Variants in DPYD observed in about 807,000 individuals in gnomAD.
DPYD encodes the protein dihydropyrimidine dehydrogenase [NADP(+)].
A neutral mutation model predicts 116.2 loss-of-function variants in DPYD; 109 were observed. That is an observed-to-expected ratio of 0.94 (90% confidence interval 0.80 to 1.10). DPYD has a LOEUF of 1.10. Among genes scored for constraint, DPYD ranks in the 50% least tolerant of loss-of-function variants. The probability of loss-of-function intolerance (pLI) is 0.00; values close to 1 mark genes in which losing one functional copy is unlikely to be tolerated. For missense variants in DPYD, 1,302 were observed against 1,254.5 expected, an observed-to-expected ratio of 1.04 and a Z score of -0.57; for synonymous variants, 440 against 432.0, an observed-to-expected ratio of 1.02 and a Z score of -0.23.
At chr1:97,460,968 T>G (rs935814953) in intron 13 of DPYD, among the ~76,000 whole-genome samples, 1 of 146,602 alleles carries the variant, frequency 6.8e-6, no homozygotes, top group Non-Finnish European at 1.5e-5. Flanking sequence ...ACCCGGGGGG[T>G]GGAGGTTGCA....
intron 14 of DPYD, among the ~76,000 whole-genome samples, chr1:97,448,931 A>G (rs1422123113): frequency 6.6e-6 from 1 of 152,010 alleles, no homozygotes; most frequent in East Asian, 1.9e-4. Flanking sequence ...TTTCAAATGC[A>G]TGTATTTTAT....
chr1:97,851,303 C>A (rs1372714923), intron 2 of DPYD, among the ~76,000 whole-genome samples: 2 of 149,494 alleles, frequency 1.3e-5, no homozygotes, highest in Admixed American at 6.7e-5. Flanking sequence ...TACTCTTATT[C>A]AAATAAGTAA....
intron 14 of DPYD, among the ~76,000 whole-genome samples, chr1:97,404,481 T>C (rs1673541950): frequency 6.6e-6 from 1 of 152,092 alleles, no homozygotes; most frequent in Non-Finnish European, 1.5e-5. Flanking sequence ...ATTAGATGGA[T>C]ACACGTTAAA....
At chr1:97,716,127 T>C (rs1358474136) in intron 5 of DPYD, among the ~76,000 whole-genome samples, 1 of 152,108 alleles carries the variant, frequency 6.6e-6, no homozygotes, top group African/African-American at 2.4e-5. Flanking sequence ...TGTTCTCTAA[T>C]GTAGTCTCAT....
At chr1:97,878,850 GGC>G (rs1672044820) in intron 2 of DPYD, among the ~76,000 whole-genome samples, 1 of 151,810 alleles carries the variant, frequency 6.6e-6, no homozygotes, top group African/African-American at 2.4e-5. Context: ...AGAACTTCTT[GGC>G]AAGGCCTATG....
At chr1:97,339,579 A>C (rs1669490973) in intron 16 of DPYD, among the ~76,000 whole-genome samples, 1 of 152,218 alleles carries the variant, frequency 6.6e-6, no homozygotes, top group Non-Finnish European at 1.5e-5. Context: ...TCAAGAATTC[A>C]GAAAATATGC....
chr1:97,279,272 T>C (rs1665151961), intron 18 of DPYD, among the ~76,000 whole-genome samples: 1 of 152,064 alleles, frequency 6.6e-6, no homozygotes, highest in South Asian at 2.1e-4. Flanking sequence ...AAAAGCAGAT[T>C]GTAAAATGAT....
chr1:97,362,202 C>T (rs1051980541), intron 16 of DPYD, among the ~76,000 whole-genome samples: 9 of 152,108 alleles, frequency 5.9e-5, no homozygotes, highest in African/African-American at 1.4e-4. Context: ...CTCCCATTCA[C>T]GATTGCTACA....
intron 4 of DPYD, among the ~76,000 whole-genome samples, chr1:97,730,889 A>G (rs1663563668): frequency 6.6e-6 from 1 of 152,112 alleles, no homozygotes; most frequent in Non-Finnish European, 1.5e-5. Flanking sequence ...AGTTGAAAAA[A>G]AAAGCATTGG....
chr1:97,334,961 C>T (rs933957886), intron 16 of DPYD, among the ~76,000 whole-genome samples: 3 of 152,126 alleles, frequency 2.0e-5, no homozygotes, highest in Admixed American at 1.3e-4. Context: ...AAGTGTGTTA[C>T]CACGGAGGTT....
At chr1:97,379,159 G>T (rs1280451551) in intron 15 of DPYD, among the ~76,000 whole-genome samples, 1 of 152,128 alleles carries the variant, frequency 6.6e-6, no homozygotes, top group African/African-American at 2.4e-5. Flanking sequence ...AACATTGCAG[G>T]CCAAGGGAAC....
chr1:97,492,725 A>G (rs1679039684), intron 13 of DPYD, among the ~76,000 whole-genome samples: 1 of 152,158 alleles, frequency 6.6e-6, no homozygotes, highest in Non-Finnish European at 1.5e-5. Context: ...GAAGATAATA[A>G]ACATTTTTAT....
chr1:97,357,555 C>CT (rs1670488090), intron 16 of DPYD, among the ~76,000 whole-genome samples: 1 of 152,132 alleles, frequency 6.6e-6, no homozygotes, highest in African/African-American at 2.4e-5. Context: ...TTAAAACAGA[C>CT]TTACGGGATA....
chr1:97,276,209 C>T (rs1032402463), intron 18 of DPYD, among the ~76,000 whole-genome samples: 4 of 152,012 alleles, frequency 2.6e-5, no homozygotes, highest in Non-Finnish European at 4.4e-5. Flanking sequence ...AATGGTGTTT[C>T]CTAGGTTTTC....
intron 3 of DPYD, among the ~76,000 whole-genome samples, chr1:97,746,502 T>A (rs1269486090): frequency 6.6e-6 from 1 of 152,134 alleles, no homozygotes; most frequent in Non-Finnish European, 1.5e-5. Flanking sequence ...TATTTTACTA[T>A]ACACGAAAAA....
chr1:97,375,134 G>A (rs944921668), intron 15 of DPYD, among the ~76,000 whole-genome samples: 10 of 151,322 alleles, frequency 6.6e-5, no homozygotes, highest in Non-Finnish European at 1.2e-4. Flanking sequence ...AATTTTTCCA[G>A]TGCCGCGGTT....
chr1:97,377,759 C>T (rs540672146), intron 15 of DPYD, among the ~76,000 whole-genome samples: 69 of 152,290 alleles, frequency 4.5e-4, no homozygotes, highest in African/African-American at 1.6e-3. Context: ...AGTCACTGGT[C>T]AGGCAGGGCA....
intron 12 of DPYD, among the ~76,000 whole-genome samples, chr1:97,528,599 A>G (rs1300076748): frequency 6.6e-6 from 1 of 152,036 alleles, no homozygotes; most frequent in African/African-American, 2.4e-5. Context: ...CTCCTCCTTC[A>G]ACAAAAAATA....
intron 12 of DPYD, among the ~76,000 whole-genome samples, chr1:97,526,219 T>C (rs1649077410): frequency 1.3e-5 from 2 of 152,150 alleles, no homozygotes; most frequent in South Asian, 2.1e-4. Context: ...CATGCAGAAA[T>C]GCAGCCAGGC....
Sources: allele counts gnomAD v4.1 joint callset (sites outside exome capture counted in the v4.1 genomes callset), GRCh38; gene constraint gnomAD v4.1.1; transcripts MANE v1.5; gene names NCBI Gene and HGNC (gene_info 2026-07-23, HGNC 2026-07-21).